PAX8: variants seen among roughly 807,000 people sequenced by gnomAD.
PAX8 encodes the protein paired box protein Pax-8.
Under a neutral mutation model 52.4 loss-of-function variants are expected in PAX8, and 15 were observed. The ratio of observed to expected loss-of-function variants is 0.29; its 90% CI spans 0.19 to 0.44. The LOEUF (loss-of-function observed/expected upper bound fraction) is 0.44. Ranked by LOEUF, PAX8 falls within the 20% of genes least tolerant of loss-of-function variation. PAX8 has a pLI of 1.00. For synonymous variants in PAX8, 284 were observed against 249.7 expected (o/e 1.14, Z -1.29); for missense variants, 554 against 602.5 (o/e 0.92, Z 0.84).
At position 113,270,507 on chromosome 2, in the gene PAX8, C is replaced by G. The variant is rs886758244; in HGVS notation, c.25+7863G>C. The G allele has an allele frequency of 2.0e-5, 3 of 152,182 alleles. 1 individual carries two copies. Among genetic ancestry groups the G allele is most frequent in the South Asian group, 4.1e-4 (2 of 4,828 alleles). The allele number at this position is 152,182 out of a possible 1,614,324, so 9.4% of individuals were successfully genotyped here. On this transcript the variant is annotated intron_variant, in intron 2 of 11. Transcript: ENST00000429538. The stretch of plus-strand genomic sequence containing the variant: ...GGCAGGGGCTTTCATCCTGGCTTCA[C>G]GCTGATTTCAAAAGCCTCTCATTCT...
At chr2:113,225,979 GA>G in intron 10 of PAX8, 1 of 985,246 alleles carries the variant, frequency 1.0e-6, no homozygotes, top group Admixed American at 6.1e-5. Context: ...GGCCAGGAGG[GA>G]CAGAGGAGTC....
chr2:113,260,631 G>A (rs1692596437), intron 2 of PAX8, among the ~76,000 whole-genome samples: 1 of 152,160 alleles, frequency 6.6e-6, no homozygotes, highest in Non-Finnish European at 1.5e-5. Context: ...GGTGACTGCA[G>A]AGACTGAGAA....
chr2:113,230,271 T>C (rs1024027616), intron 9 of PAX8, among the ~76,000 whole-genome samples: 4 of 152,204 alleles, frequency 2.6e-5, no homozygotes, highest in African/African-American at 9.6e-5. Context: ...CGCACTCCCC[T>C]TCCCCCTGCC....
intron 7 of PAX8, chr2:113,238,822 C>T (rs1472559682): frequency 6.6e-6 from 1 of 152,164 alleles, no homozygotes; most frequent in African/African-American, 2.4e-5. Flanking sequence ...GTGCTTAGCA[C>T]CGAATACTTG....
chr2:113,245,235 C>G (rs562721307), intron 3 of PAX8, among the ~76,000 whole-genome samples: 13 of 152,156 alleles, frequency 8.5e-5, no homozygotes, highest in African/African-American at 3.1e-4. Context: ...TTAGTAGAGA[C>G]AGGTTTCACT....
intron 9 of PAX8, among the ~76,000 whole-genome samples, chr2:113,227,525 G>A (rs1476101074): frequency 6.6e-6 from 1 of 152,212 alleles, no homozygotes; most frequent in Non-Finnish European, 1.5e-5. Context: ...TTTTGTTTAC[G>A]TGATTGTTAT....
intron 7 of PAX8, chr2:113,240,524 T>C (rs2104479786): frequency 6.6e-6 from 1 of 152,138 alleles, no homozygotes; most frequent in Middle Eastern, 3.4e-3. Context: ...CTTGGCAGGG[T>C]TAAGGGAAAA....
At chr2:113,253,489 C>T (rs763066730) in intron 2 of PAX8, among the ~76,000 whole-genome samples, 1 of 152,230 alleles carries the variant, frequency 6.6e-6, no homozygotes, top group Non-Finnish European at 1.5e-5. Flanking sequence ...CACTCAACCT[C>T]CTGCCACCTG....
At chr2:113,259,640 TCTC>T (rs770649495) in intron 2 of PAX8, 12 of 152,676 alleles carry the variant, frequency 7.9e-5, no homozygotes, top group Admixed American at 1.3e-4. Context: ...TTTTTAAAAA[TCTC>T]CTCTGTTGAT....
intron 2 of PAX8, among the ~76,000 whole-genome samples, chr2:113,257,977 C>G (rs1217098107): frequency 6.6e-6 from 1 of 152,194 alleles, no homozygotes; most frequent in African/African-American, 2.4e-5. Flanking sequence ...TACTGAGACT[C>G]AAGCTGAGAG....
intron 4 of PAX8, among the ~76,000 whole-genome samples, chr2:113,243,615 C>T (rs146379349): frequency 0.049 from 7,446 of 152,242 alleles, 270 homozygotes; most frequent in South Asian, 0.15. Flanking sequence ...TGGTCTCGAA[C>T]GCCTGATCTC....
intron 4 of PAX8, among the ~76,000 whole-genome samples, chr2:113,243,670 G>A (rs2003986): frequency 6.6e-6 from 1 of 152,238 alleles, no homozygotes; most frequent in Admixed American, 6.5e-5. Context: ...GGGATTACAG[G>A]CATGAGCCAC....
intron 2 of PAX8, among the ~76,000 whole-genome samples, chr2:113,256,011 A>AAAT (rs1553416880): frequency 5.9e-5 from 9 of 151,346 alleles, no homozygotes; most frequent in Non-Finnish European, 8.8e-5. Context: ...AAAAAAAAAA[A>AAAT]GTTCTCCAGT....
chr2:113,241,565 T>G lies in PAX8; in HGVS notation c.763A>C (p.Thr255Pro), dbSNP rs775632087. The G allele has an allele frequency of 2.5e-6, 4 of 1,611,124 alleles. No homozygotes were observed. Among genetic ancestry groups the G allele is most frequent in the Admixed American group, 1.7e-5 (1 of 59,656 alleles). The change falls in exon 7 of 12, where the codon ACC becomes CCC. Residue 255 changes from threonine to proline, a missense_variant. This residue lies in a region of PAX8 where 445 missense variants were observed against 409.9 expected (regional missense o/e 1.09). Transcript: ENST00000429538. ...YPEAYASPSH[T>P]KGEQGLYPLP... The stretch of plus-strand genomic sequence containing the variant: ...CAGCTTCTCACCTGCTCGCCTTTGG[T>G]GTGGCTGGGGGAGGCATAGGCCTCT...
chr2:113,275,131 C>A (rs1693712616), intron 2 of PAX8: 1 of 152,040 alleles, frequency 6.6e-6, no homozygotes. Flanking sequence ...CCTTCCACCC[C>A]CAAAAAGTTC....
At chr2:113,256,316 T>C (rs572597469) in intron 2 of PAX8, among the ~76,000 whole-genome samples, 1 of 152,316 alleles carries the variant, frequency 6.6e-6, no homozygotes, top group Non-Finnish European at 1.5e-5. Flanking sequence ...TTATCAGAGC[T>C]ACATGTTTAG....
At chr2:113,226,617 C>A in intron 10 of PAX8, 1 of 1,068,896 alleles carries the variant, frequency 9.4e-7, no homozygotes, top group Non-Finnish European at 1.1e-6. Flanking sequence ...CCTATCCATG[C>A]AGGCTTGAGA....
chr2:113,233,463 A>C (rs946405488), intron 9 of PAX8, among the ~76,000 whole-genome samples: 2 of 152,074 alleles, frequency 1.3e-5, no homozygotes, highest in African/African-American at 4.8e-5. Flanking sequence ...GGGCGGACCA[A>C]GGTCAGGAGA....
chr2:113,238,639 A>G (rs1215193492), intron 7 of PAX8: 2 of 152,224 alleles, frequency 1.3e-5, no homozygotes, highest in Admixed American at 6.5e-5. Context: ...AGAGCAGCAC[A>G]ATGCTTCAGA....
Sources: allele counts gnomAD v4.1 joint callset (sites outside exome capture counted in the v4.1 genomes callset), GRCh38; gene constraint gnomAD v4.1.1; regional missense constraint gnomAD v4.1.1; transcripts MANE v1.5; gene names NCBI Gene and HGNC (gene_info 2026-07-23, HGNC 2026-07-21).